The following PTPRG variants were observed in gnomAD, a reference collection of about 807,000 sequenced individuals.
PTPRG encodes the protein receptor-type tyrosine-protein phosphatase gamma.
A neutral mutation model predicts 165.3 loss-of-function variants in PTPRG; 102 were observed. The observed-to-expected ratio is 0.62, with a 90% CI of 0.53 to 0.73. PTPRG has a LOEUF of 0.73. PTPRG is among the 30% of genes least tolerant of loss of function. The pLI is 0.00. For missense variants in PTPRG, 1,866 were observed against 1,861.4 expected, an observed-to-expected ratio of 1.00 and a Z score of -0.05; for synonymous variants, 675 against 669.5, an observed-to-expected ratio of 1.01 and a Z score of -0.13.
intron 2 of PTPRG, among the ~76,000 whole-genome samples, chr3:61,762,926 C>T (rs1369239798): frequency 6.6e-6 from 1 of 152,066 alleles, no homozygotes; most frequent in African/African-American, 2.4e-5. Flanking sequence ...TCCCTGTGTT[C>T]TTAACATGGC....
chr3:62,015,040 C>A (rs1382154066), intron 4 of PTPRG, among the ~76,000 whole-genome samples: 9 of 152,148 alleles, frequency 5.9e-5, no homozygotes, highest in Admixed American at 4.6e-4. Flanking sequence ...GTAGGGAAAC[C>A]CCAAATAGTT....
At chr3:61,620,596 G>A (rs930137286) in intron 1 of PTPRG, among the ~76,000 whole-genome samples, 8 of 152,014 alleles carry the variant, frequency 5.3e-5, no homozygotes, top group African/African-American at 1.4e-4. Flanking sequence ...CATTTGGTTT[G>A]TCAGTTGAAG....
At chr3:61,582,000 C>T (rs558062091) in intron 1 of PTPRG, among the ~76,000 whole-genome samples, 1 of 152,052 alleles carries the variant, frequency 6.6e-6, no homozygotes, top group African/African-American at 2.4e-5. Context: ...CAGAGTCTTG[C>T]TCTAACACCC....
At chr3:62,077,783 C>T (rs1315891782) in intron 4 of PTPRG, among the ~76,000 whole-genome samples, 1 of 151,996 alleles carries the variant, frequency 6.6e-6, no homozygotes, top group East Asian at 1.9e-4. Context: ...GCAAGCAGAT[C>T]ACTTTAGGTC....
intron 6 of PTPRG, among the ~76,000 whole-genome samples, chr3:62,152,440 C>A (rs1704372090): frequency 6.6e-6 from 1 of 152,166 alleles, no homozygotes; most frequent in African/African-American, 2.4e-5. Context: ...CTCCCAGTGG[C>A]TATACTCAGG....
At chr3:61,862,691 G>A (rs908451389) in intron 2 of PTPRG, among the ~76,000 whole-genome samples, 2 of 152,074 alleles carry the variant, frequency 1.3e-5, no homozygotes, top group African/African-American at 2.4e-5. Context: ...CACCGTGCCC[G>A]GCCTGATGTT....
chr3:61,645,597 C>T (rs775350527), intron 1 of PTPRG, among the ~76,000 whole-genome samples: 27 of 152,334 alleles, frequency 1.8e-4, no homozygotes, highest in Middle Eastern at 3.4e-3. Flanking sequence ...GTTGCCTTAA[C>T]GGGGCTAGTT....
intron 1 of PTPRG, among the ~76,000 whole-genome samples, chr3:61,727,437 C>T (rs1024215034): frequency 6.6e-6 from 1 of 152,078 alleles, no homozygotes; most frequent in East Asian, 1.9e-4. Flanking sequence ...TGGGCATGAC[C>T]CACGGTGCCC....
intron 2 of PTPRG, among the ~76,000 whole-genome samples, chr3:61,776,552 C>G (rs1184653393): frequency 2.6e-5 from 4 of 152,076 alleles, no homozygotes; most frequent in African/African-American, 9.7e-5. Context: ...GAAAGTACAT[C>G]CATAGTGAAC....
intron 1 of PTPRG, among the ~76,000 whole-genome samples, chr3:61,679,856 G>C (rs1339599454): frequency 2.0e-5 from 3 of 152,148 alleles, no homozygotes; most frequent in African/African-American, 7.2e-5. Context: ...GAGGTTCACA[G>C]GGTTTAAATG....
chr3:62,024,347 G>T (rs958940042), intron 4 of PTPRG, among the ~76,000 whole-genome samples: 1 of 152,192 alleles, frequency 6.6e-6, no homozygotes, highest in East Asian at 1.9e-4. Context: ...ACTTGTCCAT[G>T]ATATAATTAT....
chr3:62,191,144 C>A (rs1473963833), intron 8 of PTPRG, among the ~76,000 whole-genome samples: 1 of 149,804 alleles, frequency 6.7e-6, no homozygotes, highest in Non-Finnish European at 1.5e-5. Flanking sequence ...CGTCTGTGTC[C>A]CGTGCACGTG....
intron 5 of PTPRG, among the ~76,000 whole-genome samples, chr3:62,129,451 T>G (rs1703434873): frequency 6.6e-6 from 1 of 151,928 alleles, no homozygotes. Flanking sequence ...TTAACGGTTC[T>G]GGAGGCTGAG....
intron 5 of PTPRG, among the ~76,000 whole-genome samples, chr3:62,113,496 A>G (rs1297092464): frequency 1.3e-5 from 2 of 152,250 alleles, no homozygotes; most frequent in African/African-American, 4.8e-5. Context: ...CGTAAAATAC[A>G]CATACCAAAT....
chr3:62,011,496 G>T (rs1455207098), intron 4 of PTPRG, among the ~76,000 whole-genome samples: 4 of 152,194 alleles, frequency 2.6e-5, no homozygotes, highest in Non-Finnish European at 5.9e-5. Context: ...TGGTTATCTG[G>T]TGTTTGCTAT....
At chr3:61,768,625 TAA>T (rs2034109500) in intron 2 of PTPRG, among the ~76,000 whole-genome samples, 1 of 152,202 alleles carries the variant, frequency 6.6e-6, no homozygotes, top group African/African-American at 2.4e-5. Context: ...AAGGCCAAAG[TAA>T]AGATTGTCAT....
intron 2 of PTPRG, among the ~76,000 whole-genome samples, chr3:61,779,655 C>T (rs2034487363): frequency 6.6e-6 from 1 of 152,254 alleles, no homozygotes; most frequent in Non-Finnish European, 1.5e-5. Flanking sequence ...AGATTAGCTT[C>T]TTAAATTTTC....
intron 4 of PTPRG, among the ~76,000 whole-genome samples, chr3:62,019,542 A>T (rs966809762): frequency 6.9e-6 from 1 of 145,414 alleles, no homozygotes; most frequent in Non-Finnish European, 1.5e-5. Context: ...AAAAAAAAAA[A>T]GTCCTTGGAA....
rs1700723653 is a variant in PTPRG at position 62,224,748 on chromosome 3, T to A, written c.2288+5765T>A. 6.6e-6 allele frequency among the ~76,000 whole-genome samples: 1 copy of A among 152,188 alleles called. No individual in the cohort carries two copies. The highest frequency in any genetic ancestry group is 2.1e-4 in the South Asian group (1 of 4,832). On this transcript the variant is annotated intron_variant, in intron 13 of 29. Transcript: ENST00000474889. This position sits in a 1 kb window ranked among gnomAD's most constrained non-coding sequence, Gnocchi z 4.9. ...GACATCAGTCTCATCGGGGACTATT[T>A]GAGCAGTGTTTTTATAGGCAGCAAC... is the stretch of plus-strand genomic sequence containing the variant.
Sources: allele counts gnomAD v4.1 joint callset (sites outside exome capture counted in the v4.1 genomes callset), GRCh38; gene constraint gnomAD v4.1.1; non-coding constraint Gnocchi (gnomAD v3.1); transcripts MANE v1.5; gene names NCBI Gene and HGNC (gene_info 2026-07-23, HGNC 2026-07-21).